The following RAD54L2 variants were observed in gnomAD, a reference collection of about 807,000 sequenced individuals.
RAD54L2 encodes RAD54 like 2.
RAD54L2 carries 27 observed loss-of-function variants against 138.4 expected under a neutral mutation model. The ratio of observed to expected loss-of-function variants is 0.20; its 90% CI spans 0.14 to 0.27. The LOEUF (loss-of-function observed/expected upper bound fraction) is 0.27. Among genes scored for constraint, RAD54L2 ranks in the 10% least tolerant of loss-of-function variants. RAD54L2 has a pLI of 1.00. For synonymous variants in RAD54L2, 644 were observed against 723.2 expected, an observed-to-expected ratio of 0.89 and a Z score of 1.76; for missense variants, 1,396 against 1,890.2, an observed-to-expected ratio of 0.74 and a Z score of 4.85.
intron 2 of RAD54L2, among the ~76,000 whole-genome samples, chr3:51,579,002 C>T (rs991716738): frequency 8.5e-5 from 13 of 152,064 alleles, no homozygotes; most frequent in East Asian, 1.9e-4. Flanking sequence ...GGGGACAGAG[C>T]GGGACCGTAA....
intron 9 of RAD54L2, 93 bp downstream of exon 9, chr3:51,634,128 T>C: frequency 1.4e-6 from 2 of 1,437,606 alleles, no homozygotes; most frequent in Admixed American, 2.3e-5. Flanking sequence ...GTGTAGCCTG[T>C]GCATCTAGAT....
chr3:51,643,557 C>T (rs1701196611), intron 15 of RAD54L2, among the ~76,000 whole-genome samples: 1 of 152,184 alleles, frequency 6.6e-6, no homozygotes, highest in Admixed American at 6.5e-5. Context: ...TCACCTTGAG[C>T]CAGTATTTTC....
intron 20 of RAD54L2, among the ~76,000 whole-genome samples, chr3:51,656,575 A>T (rs573756355): frequency 3.9e-5 from 6 of 152,240 alleles, no homozygotes; most frequent in Admixed American, 1.3e-4. Flanking sequence ...ACTTGCGTCT[A>T]CCTTTGCGAG....
rs1443194821 is a variant in RAD54L2 at position 51,639,484 on chromosome 3, C to T, written c.1926C>T (p.Asp642=). Reference sequence around the variant, plus strand: ...AGGAGAGCTTGGCCAATGAGCAGGACCTAGACGTGGAAGAACTTGGCTCTG... The same window carrying T: ...AGGAGAGCTTGGCCAATGAGCAGGATCTAGACGTGGAAGAACTTGGCTCTG... ...LQKESLANEQ[D]LDVEELGSAG... The change falls in exon 13 of 23, where the codon GAC becomes GAT. Residue 642 remains aspartate (D), a synonymous_variant. Coordinates refer to ENST00000684192, the MANE Select transcript of RAD54L2 (RefSeq NM_015106.4). 7 of 1,613,846 alleles carry T rather than the reference C, an allele frequency of 4.3e-6. No homozygotes were observed. Among genetic ancestry groups the T allele is most frequent in the Non-Finnish European group, 5.1e-6 (6 of 1,179,902 alleles).
At chr3:51,569,357 A>G (rs1418179546) in intron 2 of RAD54L2, among the ~76,000 whole-genome samples, 2 of 151,920 alleles carry the variant, frequency 1.3e-5, no homozygotes, top group Non-Finnish European at 2.9e-5. Context: ...TACTTCTTTG[A>G]TGGCCCAAAA....
chr3:51,618,576 GA>G (rs1700499808), intron 3 of RAD54L2, among the ~76,000 whole-genome samples: 1 of 151,978 alleles, frequency 6.6e-6, no homozygotes, highest in Admixed American at 6.6e-5. Context: ...GACTCTGTCT[GA>G]AAAAATAAAG....
intron 19 of RAD54L2, among the ~76,000 whole-genome samples, chr3:51,654,061 T>G (rs1228992565): frequency 1.3e-5 from 2 of 152,116 alleles, no homozygotes; most frequent in African/African-American, 2.4e-5. Flanking sequence ...TTGTCTTTTT[T>G]GGGGGTGGGG....
rs1174297754 is a variant in RAD54L2 at position 51,637,092 on chromosome 3, T to G, written c.1340-69T>G. 1 of 1,345,652 alleles carries G rather than the reference T, an allele frequency of 7.4e-7. No homozygotes were observed. The allele number at this position is 1,345,652 out of a possible 1,614,324, so 83.4% of individuals were successfully genotyped here. A position where few individuals can be genotyped will look rare whatever the true frequency, so the allele number is the denominator to read the frequency against. On this transcript the variant is annotated intron_variant, in intron 10 of 22. Transcript: ENST00000684192. The surrounding 1 kb of genome is among the most constrained non-coding windows in gnomAD (Gnocchi z 5.9). ...TTCTGTCTCCTCCAGGGTGCACCCC[T>G]ACTTCTCATATTATTGACTAAGAGC...
At chr3:51,539,565 G>A (rs947232023) in intron 1 of RAD54L2, among the ~76,000 whole-genome samples, 1 of 152,176 alleles carries the variant, frequency 6.6e-6, no homozygotes, top group East Asian at 1.9e-4. Context: ...GTGAGTAGTG[G>A]CACACGGTGA....
chr3:51,574,205 A>G (rs1331207454), intron 2 of RAD54L2, among the ~76,000 whole-genome samples: 1 of 152,164 alleles, frequency 6.6e-6, no homozygotes, highest in Non-Finnish European at 1.5e-5. Context: ...ATAGTATTCC[A>G]TGGTGTATGT....
intron 2 of RAD54L2, among the ~76,000 whole-genome samples, chr3:51,589,199 A>C (rs1312916059): frequency 6.6e-6 from 1 of 152,170 alleles, no homozygotes; most frequent in African/African-American, 2.4e-5. Context: ...TGAACATCAT[A>C]ATTTGGGCTA....
At chr3:51,651,965 G>C (rs1333094251) in intron 19 of RAD54L2, among the ~76,000 whole-genome samples, 2 of 152,222 alleles carry the variant, frequency 1.3e-5, no homozygotes, top group East Asian at 1.9e-4. Context: ...AGAAATAAAG[G>C]GTATTCAATT....
chr3:51,656,262 T>C (rs1701597577), intron 20 of RAD54L2, 92 bp downstream of exon 20: 1 of 1,221,826 alleles, frequency 8.2e-7, no homozygotes, highest in Admixed American at 2.8e-5. Context: ...CTTTTGTATT[T>C]CTGGCCTTAC....
At chr3:51,654,848 T>C (rs1413343880) in intron 19 of RAD54L2, among the ~76,000 whole-genome samples, 1 of 152,234 alleles carries the variant, frequency 6.6e-6, no homozygotes, top group Non-Finnish European at 1.5e-5. Context: ...CTGAGTTTTT[T>C]TAATCCACAT....
chr3:51,576,476 C>T (rs1436995291), intron 2 of RAD54L2, among the ~76,000 whole-genome samples: 1 of 152,110 alleles, frequency 6.6e-6, no homozygotes, highest in Non-Finnish European at 1.5e-5. Context: ...CCATCTGGTC[C>T]TGGACTTTTT....
intron 3 of RAD54L2, among the ~76,000 whole-genome samples, chr3:51,616,779 G>T (rs1700453790): frequency 6.6e-6 from 1 of 152,164 alleles, no homozygotes; most frequent in South Asian, 2.1e-4. Flanking sequence ...AGTGAATGGG[G>T]ATCATGCCAC....
intron 2 of RAD54L2, among the ~76,000 whole-genome samples, chr3:51,565,719 C>T (rs1039615783): frequency 4.6e-5 from 7 of 152,116 alleles, no homozygotes; most frequent in East Asian, 3.9e-4. Flanking sequence ...GTGATCCGCC[C>T]GTCTCGGCCT....
At chr3:51,553,731 G>A (rs1004501597) in intron 2 of RAD54L2, among the ~76,000 whole-genome samples, 1 of 152,162 alleles carries the variant, frequency 6.6e-6, no homozygotes, top group Admixed American at 6.6e-5. Context: ...TCTGGAGGCT[G>A]AGGTGGAAGA....
intron 3 of RAD54L2, among the ~76,000 whole-genome samples, chr3:51,602,887 T>G (rs1407793413): frequency 6.6e-6 from 1 of 152,138 alleles, no homozygotes; most frequent in African/African-American, 2.4e-5. Flanking sequence ...TGGTGCTTCC[T>G]TTTTAGAGAC....
Sources: allele counts gnomAD v4.1 joint callset (sites outside exome capture counted in the v4.1 genomes callset), GRCh38; gene constraint gnomAD v4.1.1; non-coding constraint Gnocchi (gnomAD v3.1); transcripts MANE v1.5; gene names NCBI Gene and HGNC (gene_info 2026-07-23, HGNC 2026-07-21).